The following TNIP3 variants were observed in gnomAD, a reference collection of about 807,000 sequenced individuals.
The protein encoded by TNIP3 is TNFAIP3-interacting protein 3.
Under a neutral mutation model 54.1 loss-of-function variants are expected in TNIP3, and 34 were observed. The ratio of observed to expected loss-of-function variants is 0.63; its 90% CI spans 0.48 to 0.84. The LOEUF (loss-of-function observed/expected upper bound fraction) is 0.84, where lower values mean the gene tolerates loss of function less well. Ranked by LOEUF, TNIP3 falls within the 40% of genes least tolerant of loss-of-function variation. The pLI is 0.00. For missense variants in TNIP3, 366 were observed against 387.6 expected (o/e 0.94, Z 0.47); for synonymous variants, 134 against 136.8 (o/e 0.98, Z 0.14).
chr4:121,160,001 A>T (rs1730349541), intron 2 of TNIP3, among the ~76,000 whole-genome samples: 1 of 152,214 alleles, frequency 6.6e-6, no homozygotes, highest in African/African-American at 2.4e-5. Context: ...AAACTGTATA[A>T]TATTATTATA....
At chr4:121,167,100 T>C (rs1181217080), upstream of TNIP3, among the ~76,000 whole-genome samples, 1 of 152,132 alleles carries the variant, frequency 6.6e-6, no homozygotes, top group East Asian at 1.9e-4. Context: ...TCAAATTATT[T>C]ATGAAACAAA....
intron 1 of TNIP3, chr4:121,227,270 A>T: frequency 1.2e-6 from 1 of 868,458 alleles, no homozygotes; most frequent in Admixed American, 2.2e-5. Flanking sequence ...CTGATCAGTT[A>T]TATATGTCTT....
At chr4:121,150,456 G>A (rs1336609608) in intron 5 of TNIP3, among the ~76,000 whole-genome samples, 1 of 151,362 alleles carries the variant, frequency 6.6e-6, no homozygotes, top group Non-Finnish European at 1.5e-5. Flanking sequence ...TTATTATTTA[G>A]GCTTTGATAT....
At chr4:121,188,861 T>A (rs180771330) in intron 2 of TNIP3, among the ~76,000 whole-genome samples, 41 of 152,330 alleles carry the variant, frequency 2.7e-4, no homozygotes, top group African/African-American at 9.6e-4. Flanking sequence ...TGTTTTTAAC[T>A]TTTTGTAAAT....
intron 10 of TNIP3, among the ~76,000 whole-genome samples, chr4:121,135,863 C>T (rs1728751374): frequency 6.6e-6 from 1 of 152,204 alleles, no homozygotes; most frequent in Non-Finnish European, 1.5e-5. Flanking sequence ...TCATTTATGA[C>T]AAGAGTGATG....
chr4:121,226,586 T>A (rs62321508), intron 1 of TNIP3, among the ~76,000 whole-genome samples: 72,363 of 152,070 alleles, frequency 0.48, 18,225 homozygotes, highest in East Asian at 0.78. Flanking sequence ...TTCTCAGCAT[T>A]TCACAGCAGG....
chr4:121,162,663 T>G (rs1041682415), intron 1 of TNIP3, among the ~76,000 whole-genome samples: 5 of 152,288 alleles, frequency 3.3e-5, no homozygotes, highest in Admixed American at 2.6e-4. Flanking sequence ...AGACTGGATT[T>G]TAGAATGGTG....
intron 3 of TNIP3, among the ~76,000 whole-genome samples, chr4:121,170,538 G>T (rs1413982436): frequency 6.6e-6 from 1 of 151,702 alleles, no homozygotes; most frequent in Non-Finnish European, 1.5e-5. Context: ...ATCCTATTTT[G>T]GTTACATGGT....
At chr4:121,186,228 G>C (rs552030091) in intron 2 of TNIP3, among the ~76,000 whole-genome samples, 1 of 152,118 alleles carries the variant, frequency 6.6e-6, no homozygotes, top group Admixed American at 6.5e-5. Flanking sequence ...GACCAGACGT[G>C]GGGGGGTTTG....
rs114248621 is a variant in TNIP3 at position 121,209,484 on chromosome 4, A to G, written c.68+6931T>C. Among the ~76,000 whole-genome samples the G allele has an allele frequency of 4.8e-3, 727 of 152,292 alleles. 5 individuals carry two copies. The highest frequency in any genetic ancestry group is 0.016 in the African/African-American group (683 of 41,560). ...CATAGTTGGCATGGAGAGTTGTGGG[A>G]AAAAAACTACGCATTTGTGGTCAGA... On this transcript the variant is annotated intron_variant, in intron 2 of 12. Coordinates refer to the TNIP3 transcript ENST00000507879.
chr4:121,211,209 T>C (rs1344694593), intron 2 of TNIP3, among the ~76,000 whole-genome samples: 1 of 152,146 alleles, frequency 6.6e-6, no homozygotes, highest in African/African-American at 2.4e-5. Flanking sequence ...ATAATTATGA[T>C]CCAATTTAAC....
chr4:121,181,623 AGGTGTG>A (rs1724706540), intron 3 of TNIP3, among the ~76,000 whole-genome samples: 1 of 69,608 alleles, frequency 1.4e-5, no homozygotes, highest in South Asian at 6.7e-4. Flanking sequence ...TTAATAAGAC[AGGTGTG>A]TGTGTGTGTG....
chr4:121,202,323 C>T (rs1370754525), intron 2 of TNIP3, among the ~76,000 whole-genome samples: 1 of 152,122 alleles, frequency 6.6e-6, no homozygotes, highest in African/African-American at 2.4e-5. Context: ...AAAGGACTCC[C>T]TATTCAACAA....
At chr4:121,186,845 C>T (rs528161204) in intron 2 of TNIP3, among the ~76,000 whole-genome samples, 1 of 152,256 alleles carries the variant, frequency 6.6e-6, no homozygotes, top group South Asian at 2.1e-4. Context: ...TTAGTCACAC[C>T]TCAAATAAAT....
In TNIP3 at chr4:121,132,500, C is replaced by A; in HGVS notation, c.*131G>T. On this transcript the variant is annotated 3_prime_UTR_variant, in exon 11 of 11. Coordinates refer to ENST00000057513, the MANE Select transcript of TNIP3 (RefSeq NM_024873.6). ...TTCCTGTATTCATACCAAAGGAAAA[C>A]ATGACCAGGCACAAATAACAGGGTA... 1.2e-6 allele frequency: 1 copy of A among 818,948 alleles called. No individual in the cohort carries two copies. The highest frequency in any genetic ancestry group is 2.0e-6 in the Non-Finnish European group (1 of 512,090). 50.7% of individuals were successfully genotyped at this position (818,948 alleles called of 1,614,324 possible).
chr4:121,199,206 G>A (rs942544088), intron 2 of TNIP3, among the ~76,000 whole-genome samples: 2 of 152,084 alleles, frequency 1.3e-5, no homozygotes, highest in African/African-American at 2.4e-5. Flanking sequence ...GGGAAACCTG[G>A]GACACACTCA....
intron 2 of TNIP3, among the ~76,000 whole-genome samples, chr4:121,214,746 T>G (rs1560697701): frequency 6.6e-6 from 1 of 152,338 alleles, no homozygotes; most frequent in East Asian, 1.9e-4. Flanking sequence ...CTATAGTATC[T>G]TAGAGGTTGT....
At chr4:121,161,027 TA>T in intron 2 of TNIP3, 108 bp downstream of exon 2, 1 of 870,738 alleles carries the variant, frequency 1.1e-6, no homozygotes. Context: ...ATCTTAAAGA[TA>T]AATACTGTGA....
intron 2 of TNIP3, among the ~76,000 whole-genome samples, chr4:121,214,586 C>T (rs1194386175): frequency 6.6e-6 from 1 of 152,098 alleles, no homozygotes; most frequent in Non-Finnish European, 1.5e-5. Flanking sequence ...ATAGGTTTCT[C>T]CCTTCCTTTC....
Sources: gnomAD v4.1 joint callset for allele counts (sites outside exome capture counted in the v4.1 genomes callset) on GRCh38, gnomAD v4.1.1 for gene constraint, MANE v1.5 for transcripts, NCBI Gene and HGNC (gene_info 2026-07-23, HGNC 2026-07-21) for gene names.